MED12L: variants seen among roughly 807,000 people sequenced by gnomAD.
MED12L encodes the protein mediator of RNA polymerase II transcription subunit 12-like protein.
A neutral mutation model predicts 281.3 loss-of-function variants in MED12L; 60 were observed. The observed-to-expected ratio is 0.21, with a 90% CI of 0.17 to 0.26. The LOEUF is 0.26. Among genes scored for constraint, MED12L ranks in the 10% least tolerant of loss-of-function variants. The pLI is 1.00. For missense variants in MED12L, 2,146 were observed against 2,680.9 expected (o/e 0.80, Z 4.41); for synonymous variants, 974 against 987.2 (o/e 0.99, Z 0.25).
At chr3:151,149,642 G>C (rs771956628) in intron 5 of MED12L, among the ~76,000 whole-genome samples, 5 of 152,122 alleles carry the variant, frequency 3.3e-5, no homozygotes, top group Non-Finnish European at 7.4e-5. Flanking sequence ...CACATTCATT[G>C]ACTCTTCATT....
chr3:151,173,602 A>T (rs1216659291), intron 11 of MED12L, among the ~76,000 whole-genome samples: 1 of 152,228 alleles, frequency 6.6e-6, no homozygotes. Flanking sequence ...TTAATTAGAA[A>T]ATTCAAATCC....
At chr3:151,238,369 A>G (rs1733365634) in intron 16 of MED12L, among the ~76,000 whole-genome samples, 2 of 151,972 alleles carry the variant, frequency 1.3e-5, no homozygotes, top group Non-Finnish European at 2.9e-5. Flanking sequence ...CTGGTCTCGA[A>G]CTCCTGACCT....
chr3:151,227,864 G>T (rs1730847704), intron 16 of MED12L, among the ~76,000 whole-genome samples: 1 of 152,186 alleles, frequency 6.6e-6, no homozygotes, highest in Non-Finnish European at 1.5e-5. Flanking sequence ...AGGCTGTCTT[G>T]TGTATTGTTG....
Position 151,369,568 on chromosome 3 carries a change from TA to T in MED12L, c.3664+21del. ...ATGCTTGGTAAGATTATTCTGACCC[TA>T]AGCTTCTTGGTTAATCACCAGAAAT... On this transcript the variant is annotated intron_variant, in intron 26 of 44. Coordinates refer to ENST00000687756, the MANE Select transcript of MED12L (RefSeq NM_001393769.1). The T allele has an allele frequency of 6.7e-7, 1 of 1,489,250 alleles. No individual in the cohort carries two copies. Among genetic ancestry groups the T allele is most frequent in the South Asian group, 1.2e-5 (1 of 83,340 alleles). 92.3% of individuals were successfully genotyped at this position (1,489,250 alleles called of 1,614,324 possible). A position where few individuals can be genotyped will look rare whatever the true frequency, so the allele number is the denominator to read the frequency against.
chr3:151,142,058 C>T (rs1717108973), intron 5 of MED12L, among the ~76,000 whole-genome samples: 1 of 152,170 alleles, frequency 6.6e-6, no homozygotes, highest in Admixed American at 6.5e-5. Flanking sequence ...ACAAAATAAG[C>T]TTGTTCAAAG....
At chr3:151,146,310 A>G (rs1174431131) in intron 5 of MED12L, among the ~76,000 whole-genome samples, 9 of 152,288 alleles carry the variant, frequency 5.9e-5, no homozygotes, top group African/African-American at 2.2e-4. Context: ...GAAATGTCAC[A>G]CGCTGCCATT....
At chr3:151,238,144 T>TTTTTCA (rs1464662300) in intron 16 of MED12L, among the ~76,000 whole-genome samples, 5 of 151,352 alleles carry the variant, frequency 3.3e-5, no homozygotes, top group African/African-American at 1.2e-4. Context: ...TTCTTTTTTC[T>TTTTTCA]TTTTCTTTTT....
intron 9 of MED12L, among the ~76,000 whole-genome samples, chr3:151,165,150 C>T (rs1453446951): frequency 6.6e-6 from 1 of 152,130 alleles, no homozygotes; most frequent in Non-Finnish European, 1.5e-5. Flanking sequence ...ATTCACCTTT[C>T]CACGTGGTGT....
At chr3:151,318,453 C>T (rs1748578570) in intron 16 of MED12L, among the ~76,000 whole-genome samples, 1 of 151,478 alleles carries the variant, frequency 6.6e-6, no homozygotes, top group African/African-American at 2.4e-5. Context: ...TTGTGTTGAC[C>T]TTTTTGCCAT....
intron 11 of MED12L, among the ~76,000 whole-genome samples, chr3:151,180,594 C>T (rs1722592501): frequency 2.0e-5 from 3 of 152,158 alleles, no homozygotes. Context: ...ATTCTGCCTC[C>T]CAAACCCCAG....
chr3:151,137,694 C>G (rs923800227), intron 5 of MED12L, among the ~76,000 whole-genome samples: 4 of 152,142 alleles, frequency 2.6e-5, no homozygotes, highest in Non-Finnish European at 5.9e-5. Context: ...ATTTCTATTA[C>G]ATGAACAATC....
At chr3:151,158,820 A>AG in intron 7 of MED12L, 21 bp downstream of exon 7, 1 of 1,535,684 alleles carries the variant, frequency 6.5e-7, no homozygotes, top group Non-Finnish European at 9.0e-7. Flanking sequence ...TGTCCCCTTG[A>AG]GGCAGTTGGT....
At chr3:151,338,953 T>A in intron 16 of MED12L, 1 of 1,100,528 alleles carries the variant, frequency 9.1e-7, no homozygotes, top group Non-Finnish European at 1.4e-6. Flanking sequence ...CAGCCTCCTC[T>A]AAAAGTTGAG....
At chr3:151,098,014 A>T (rs1720942984) in intron 2 of MED12L, among the ~76,000 whole-genome samples, 1 of 152,226 alleles carries the variant, frequency 6.6e-6, no homozygotes, top group South Asian at 2.1e-4. Flanking sequence ...AGGACGAAGG[A>T]GCAGCACATG....
intron 16 of MED12L, among the ~76,000 whole-genome samples, chr3:151,247,737 T>A (rs1735929203): frequency 6.9e-6 from 1 of 144,478 alleles, no homozygotes; most frequent in Admixed American, 7.1e-5. Flanking sequence ...AATGTGCACA[T>A]GTACCCTAAA....
At chr3:151,215,437 A>G (rs182312541) in intron 16 of MED12L, among the ~76,000 whole-genome samples, 9 of 151,920 alleles carry the variant, frequency 5.9e-5, no homozygotes, top group African/African-American at 1.9e-4. Flanking sequence ...TCTATTAAAT[A>G]AAATATATTA....
At chr3:151,357,129 G>T in intron 19 of MED12L, 84 bp from the exon 20 acceptor site, 2 of 1,162,580 alleles carry the variant, frequency 1.7e-6, no homozygotes, top group East Asian at 2.5e-5. Flanking sequence ...TAATGACTCA[G>T]TATATCTATG....
At chr3:151,403,373 G>A (rs1488110733) in intron 39 of MED12L, among the ~76,000 whole-genome samples, 1 of 151,878 alleles carries the variant, frequency 6.6e-6, no homozygotes, top group African/African-American at 2.4e-5. Flanking sequence ...TTCTCTCTGT[G>A]GTAATTTATA....
chr3:151,169,126 T>TTTTTTTTTTTTGTTTG (rs1721105106), intron 11 of MED12L, among the ~76,000 whole-genome samples: 7 of 141,812 alleles, frequency 4.9e-5, no homozygotes, highest in Non-Finnish European at 6.1e-5. Flanking sequence ...TTTTTTGTTT[T>TTTTTTTTTTTTGTTTG]TTTTTTTTTG....
Sources: allele counts gnomAD v4.1 joint callset (sites outside exome capture counted in the v4.1 genomes callset), GRCh38; gene constraint gnomAD v4.1.1; transcripts MANE v1.5; gene names NCBI Gene and HGNC (gene_info 2026-07-23, HGNC 2026-07-21).